The following MAPK10 variants were observed in gnomAD, a reference collection of about 807,000 sequenced individuals.
MAPK10 encodes mitogen-activated protein kinase 10, also known as JNK3 alpha protein kinase.
MAPK10 carries 25 observed loss-of-function variants against 59.3 expected under a neutral mutation model. The ratio of observed to expected loss-of-function variants is 0.42; its 90% CI spans 0.31 to 0.59. The LOEUF is 0.59. MAPK10 is among the 20% of genes least tolerant of loss of function. MAPK10 has a pLI of 0.15. For missense variants in MAPK10, 351 were observed against 568.9 expected (o/e 0.62, Z 3.90); for synonymous variants, 190 against 200.5 (o/e 0.95, Z 0.44).
At chr4:86,181,441 C>T (rs897180956) in intron 3 of MAPK10, among the ~76,000 whole-genome samples, 3 of 151,926 alleles carry the variant, frequency 2.0e-5, no homozygotes, top group African/African-American at 4.8e-5. Context: ...ACTAAATCAT[C>T]GGTAAATGTT....
intron 2 of MAPK10, among the ~76,000 whole-genome samples, chr4:86,206,313 G>A (rs1483321772): frequency 4.0e-5 from 6 of 151,046 alleles, no homozygotes; most frequent in African/African-American, 1.5e-4. Flanking sequence ...TTTTGTTCTT[G>A]CGATAGTTTA....
At chr4:86,300,089 C>T (rs1043752025) in intron 2 of MAPK10, among the ~76,000 whole-genome samples, 2 of 152,022 alleles carry the variant, frequency 1.3e-5, no homozygotes, top group South Asian at 2.1e-4. Context: ...GACAGGGTTT[C>T]ACCATGTTGT....
chr4:86,440,988 G>T (rs2149047653), intron 1 of MAPK10, among the ~76,000 whole-genome samples: 1 of 152,232 alleles, frequency 6.6e-6, no homozygotes, highest in South Asian at 2.1e-4. Flanking sequence ...AGAAATAAAA[G>T]CATCATAATT....
intron 1 of MAPK10, among the ~76,000 whole-genome samples, chr4:86,480,218 G>A (rs1413991935): frequency 1.3e-5 from 2 of 152,046 alleles, no homozygotes; most frequent in Non-Finnish European, 2.9e-5. Context: ...CAAAAGAAGT[G>A]AAAATGGCCG....
chr4:86,178,558 A>G (rs1021554816), intron 3 of MAPK10, among the ~76,000 whole-genome samples: 2 of 152,164 alleles, frequency 1.3e-5, no homozygotes, highest in African/African-American at 4.8e-5. Context: ...AAGGCCATTT[A>G]TGATAAACCC....
intron 2 of MAPK10, among the ~76,000 whole-genome samples, chr4:86,255,581 A>G (rs2093670449): frequency 6.6e-6 from 1 of 152,218 alleles, no homozygotes; most frequent in African/African-American, 2.4e-5. Context: ...TCAAAGTACA[A>G]TCTTATTTTG....
intron 2 of MAPK10, among the ~76,000 whole-genome samples, chr4:86,246,081 T>G (rs914938317): frequency 1.3e-5 from 2 of 152,178 alleles, no homozygotes; most frequent in African/African-American, 4.8e-5. Flanking sequence ...ATTTAAAAAT[T>G]GAAACTCATC....
At chr4:86,070,273 CTT>C (rs766359947) in intron 9 of MAPK10, among the ~76,000 whole-genome samples, 6 of 151,714 alleles carry the variant, frequency 4.0e-5, no homozygotes, top group African/African-American at 7.3e-5. Flanking sequence ...ATGGTAAGTA[CTT>C]GTTTTCTAGA....
chr4:86,237,845 T>A (rs923655897), intron 2 of MAPK10, among the ~76,000 whole-genome samples: 1 of 152,210 alleles, frequency 6.6e-6, no homozygotes, highest in African/African-American at 2.4e-5. Context: ...GCTCTTTAGT[T>A]CAACTAGATC....
chr4:86,395,593 G>A (rs935006424), intron 1 of MAPK10, among the ~76,000 whole-genome samples: 32 of 152,322 alleles, frequency 2.1e-4, no homozygotes, highest in African/African-American at 7.5e-4. Flanking sequence ...TGCCAGGGGA[G>A]TGGAGATAAT....
At chr4:86,092,961 G>A (rs2053533017) in intron 9 of MAPK10, among the ~76,000 whole-genome samples, 1 of 151,994 alleles carries the variant, frequency 6.6e-6, no homozygotes, top group South Asian at 2.1e-4. Context: ...TAGAAGAAAT[G>A]TTGAGTAAAT....
chr4:86,173,331 T>A (rs893042426), intron 3 of MAPK10, among the ~76,000 whole-genome samples: 1 of 152,088 alleles, frequency 6.6e-6, no homozygotes, highest in African/African-American at 2.4e-5. Flanking sequence ...TCTACAACCA[T>A]CTGATCTTCA....
intron 4 of MAPK10, among the ~76,000 whole-genome samples, chr4:86,151,316 C>G (rs1186356827): frequency 6.6e-6 from 1 of 152,112 alleles, no homozygotes; most frequent in African/African-American, 2.4e-5. Context: ...TGGGAGCTTT[C>G]ATGAAAGTTG....
At chr4:86,187,066 A>G (rs1259223185) in intron 3 of MAPK10, among the ~76,000 whole-genome samples, 3 of 152,152 alleles carry the variant, frequency 2.0e-5, no homozygotes, top group African/African-American at 7.2e-5. Flanking sequence ...GTGGGTTTAG[A>G]GATACTCTAT....
chr4:86,065,086 T>G (rs2046473636), intron 10 of MAPK10: 1 of 150,668 alleles, frequency 6.6e-6, no homozygotes, highest in South Asian at 2.1e-4. Flanking sequence ...TCTTTCTTTC[T>G]TTTTTTTTGT....
In MAPK10 at chr4:86,194,327, A is replaced by C; in HGVS notation, c.66+9T>G. 1 of 1,609,598 alleles carries C rather than the reference A, an allele frequency of 6.2e-7. No individual in the cohort carries two copies. Among genetic ancestry groups the C allele is most frequent in the Non-Finnish European group, 8.5e-7 (1 of 1,175,918 alleles). ...ACTGTACCTTGTTTTACCTGTAAGG[A>C]ACACACACCTGACAAAAGGCAATTT... On this transcript the variant is annotated intron_variant, in intron 3 of 13. Transcript: ENST00000641462.
chr4:86,375,651 G>T (rs532529479), intron 1 of MAPK10, among the ~76,000 whole-genome samples: 8 of 142,848 alleles, frequency 5.6e-5, no homozygotes, highest in Non-Finnish European at 1.0e-4. Context: ...GGAGGTCAAG[G>T]CTGCAGTGAG....
At chr4:86,402,208 A>G (rs1743820461) in intron 1 of MAPK10, among the ~76,000 whole-genome samples, 1 of 152,164 alleles carries the variant, frequency 6.6e-6, no homozygotes, top group South Asian at 2.1e-4. Flanking sequence ...ATGCTTTAGA[A>G]TAAAACCAAA....
intron 1 of MAPK10, among the ~76,000 whole-genome samples, chr4:86,448,401 G>T (rs1257671718): frequency 1.4e-5 from 2 of 147,778 alleles, no homozygotes; most frequent in African/African-American, 2.5e-5. Flanking sequence ...AGAATTCTGG[G>T]TTTTTTTTTT....
Sources: allele counts gnomAD v4.1 joint callset (sites outside exome capture counted in the v4.1 genomes callset), GRCh38; gene constraint gnomAD v4.1.1; transcripts MANE v1.5; gene names NCBI Gene and HGNC (gene_info 2026-07-23, HGNC 2026-07-21).